The following CLUAP1 variants were observed in gnomAD, a reference collection of about 807,000 sequenced individuals.
The protein encoded by CLUAP1 is intraflagellar transport 38.
Under a neutral mutation model 55.0 loss-of-function variants are expected in CLUAP1, and 50 were observed. The observed-to-expected ratio is 0.91, with a 90% CI of 0.72 to 1.15. The LOEUF is 1.15. Ranked by LOEUF, CLUAP1 falls within the 50% of genes most tolerant of loss-of-function variation. CLUAP1 has a pLI of 0.00. For synonymous variants in CLUAP1, 195 were observed against 175.4 expected (o/e 1.11, Z -0.88); for missense variants, 530 against 507.6 (o/e 1.04, Z -0.42).
chr16:3,501,142 T>C, intron 1 of CLUAP1, 53 bp downstream of exon 1: 1 of 1,537,998 alleles, frequency 6.5e-7, no homozygotes, highest in South Asian at 1.2e-5. Context: ...GATTCAGGGC[T>C]CCCGCCCGCC....
At chr16:3,512,542 T>A in intron 5 of CLUAP1, 64 bp downstream of exon 5, 1 of 1,267,328 alleles carries the variant, frequency 7.9e-7, no homozygotes, top group Non-Finnish European at 1.1e-6. Context: ...TTTTCAATTC[T>A]GTTTCTCCCT....
rs569788890 is a variant in CLUAP1 at position 3,536,626 on chromosome 16, C to G, written c.*355C>G. ...GTTACTATACATTTTCTCTGAGACTCCAGCAGAGTTGGGGCTGGAACTTGG... is the reference window on the plus strand; with the variant it reads ...GTTACTATACATTTTCTCTGAGACTGCAGCAGAGTTGGGGCTGGAACTTGG... On this transcript the variant is annotated 3_prime_UTR_variant, in exon 12 of 12. Transcript: ENST00000576634. 1 of 179,648 alleles carries G rather than the reference C, an allele frequency of 5.6e-6. No homozygotes were observed. The highest frequency in any genetic ancestry group is 1.4e-4 in the South Asian group (1 of 7,068). The allele number at this position is 179,648 out of a possible 1,614,324, so 11.1% of individuals were successfully genotyped here.
At chr16:3,515,219 C>T (rs1385636924) in intron 5 of CLUAP1, among the ~76,000 whole-genome samples, 3 of 151,634 alleles carry the variant, frequency 2.0e-5, no homozygotes, top group Non-Finnish European at 2.9e-5. Flanking sequence ...GAAGCAGCAG[C>T]AAATTTGGGA....
Position 3,519,890 on chromosome 16 carries a change from C to G in CLUAP1, c.580-13C>G. 1.3e-6 allele frequency: 2 copies of G among 1,575,118 alleles called. No individual in the cohort carries two copies. On this transcript the variant is annotated splice_polypyrimidine_tract_variant and intron_variant, in intron 6 of 11. Transcript: ENST00000576634. ...TATTGCCACCTTGTCTCATTATTTC[C>G]CATTAAATATAGACACAGGTTCAGA... is the stretch of plus-strand genomic sequence containing the variant.
chr16:3,500,905 G>T (rs957951427), upstream of CLUAP1: 1 of 732,296 alleles, frequency 1.4e-6, no homozygotes, highest in Non-Finnish European at 2.2e-6. Flanking sequence ...CGCTCTCCCC[G>T]TGCGTATGCA....
chr16:3,536,908 T>G lies in CLUAP1; in HGVS notation c.*637T>G, dbSNP rs2038242969. 1 of 152,292 alleles carries G rather than the reference T, an allele frequency of 6.6e-6. No homozygotes were observed. Among genetic ancestry groups the G allele is most frequent in the African/African-American group, 2.4e-5 (1 of 41,462 alleles). The allele number at this position is 152,292 out of a possible 1,614,324, so 9.4% of individuals were successfully genotyped here. The stretch of plus-strand genomic sequence containing the variant: ...TCAGGCAATAGAGACAGGCTCCAGA[T>G]GAGGAATCCTCCATTTTCTGTCCGA... On this transcript the variant is annotated 3_prime_UTR_variant, in exon 12 of 12. Transcript: ENST00000576634.
chr16:3,505,455 G>C (rs1394049739), intron 2 of CLUAP1, among the ~76,000 whole-genome samples: 3 of 151,908 alleles, frequency 2.0e-5, no homozygotes, highest in Admixed American at 2.0e-4. Context: ...GAGTGAACCC[G>C]GGAGGCGGAG....
intron 3 of CLUAP1, among the ~76,000 whole-genome samples, chr16:3,507,383 T>G (rs1281016007): frequency 6.6e-6 from 1 of 151,106 alleles, no homozygotes; most frequent in Non-Finnish European, 1.5e-5. Context: ...TGAGATCCTG[T>G]CTCTACAAAA....
At position 3,530,607 on chromosome 16, in the gene CLUAP1, A is replaced by C. The variant is rs1259514395; in HGVS notation, c.968A>C (p.Glu323Ala). ...DSDIDIQEDDESDSELEERRL... is the reference protein window; with the variant it reads ...DSDIDIQEDDASDSELEERRL... ...GACATAGACATCCAGGAGGACGATG[A>C]ATCCGACAGTGAGTTGGAAGAAAGG... Residue 323 changes from glutamate to alanine, a missense_variant, in exon 10 of 12, where the codon GAA (glutamate) becomes GCA (alanine). By Grantham distance (107) the Glu-to-Ala change is moderately radical. Coordinates refer to ENST00000576634, the MANE Select transcript of CLUAP1 (RefSeq NM_015041.3). 1.9e-6 allele frequency: 3 copies of C among 1,614,026 alleles called. No homozygotes were observed. Among genetic ancestry groups the C allele is most frequent in the Non-Finnish European group, 2.5e-6 (3 of 1,179,978 alleles).
chr16:3,533,293 C>A, intron 11 of CLUAP1: 1 of 696,818 alleles, frequency 1.4e-6, no homozygotes, highest in Non-Finnish European at 2.4e-6. Context: ...GTGGTGACAG[C>A]GGGATCACTG....
At chr16:3,515,732 T>C in intron 6 of CLUAP1, 141 bp downstream of exon 6, 1 of 507,166 alleles carries the variant, frequency 2.0e-6, no homozygotes. Flanking sequence ...AAGAGGACAT[T>C]CGAGCTTACC....
At chr16:3,496,475 G>A (rs2037311647), upstream of CLUAP1, 2 of 754,130 alleles carry the variant, frequency 2.7e-6, no homozygotes, top group Non-Finnish European at 4.4e-6. Context: ...CGGATGACGC[G>A]AGGGTTCAGG....
chr16:3,506,078 G>A (rs192587252), intron 2 of CLUAP1, among the ~76,000 whole-genome samples: 1 of 152,326 alleles, frequency 6.6e-6, no homozygotes, highest in East Asian at 1.9e-4. Context: ...TCATGACATG[G>A]TGAGATCTGA....
At chr16:3,513,535 C>T (rs917128153) in intron 5 of CLUAP1, among the ~76,000 whole-genome samples, 4 of 152,072 alleles carry the variant, frequency 2.6e-5, no homozygotes, top group Non-Finnish European at 5.9e-5. Flanking sequence ...CTAAAACCTC[C>T]GCCTCCCAGG....
At chr16:3,520,289 T>C (rs549128639) in intron 7 of CLUAP1, among the ~76,000 whole-genome samples, 23 of 152,146 alleles carry the variant, frequency 1.5e-4, no homozygotes, top group African/African-American at 5.3e-4. Context: ...GGAGGATTGC[T>C]TGAGCCCAGG....
At chr16:3,523,442 A>C in intron 8 of CLUAP1, 143 bp downstream of exon 8, 1 of 998,082 alleles carries the variant, frequency 1.0e-6, no homozygotes, top group Non-Finnish European at 1.4e-6. Context: ...TTGCTCATGT[A>C]ATGTGTTTGT....
intron 7 of CLUAP1, among the ~76,000 whole-genome samples, chr16:3,520,824 A>G (rs2037818820): frequency 2.0e-5 from 3 of 152,190 alleles, no homozygotes; most frequent in Admixed American, 2.0e-4. Flanking sequence ...TCCCAGGAAT[A>G]CCGATGGAGA....
In CLUAP1 at chr16:3,530,593, C is replaced by T. The variant is rs142463656; in HGVS notation, c.954C>T (p.Ile318=). The change falls in exon 10 of 12, where the codon ATC becomes ATT. Residue 318 remains isoleucine (I), a synonymous_variant. Transcript: ENST00000576634. ...GTAACGATGACTCGGACATAGACAT[C>T]CAGGAGGACGATGAATCCGACAGTG... ...SGSNDDSDID[I]QEDDESDSEL... is the part of the protein sequence containing the mutation. 119 of 1,613,962 alleles carry T rather than the reference C, an allele frequency of 7.4e-5. No homozygotes were observed. In the African/African-American group the frequency reaches 1.3e-3, roughly 18 times the overall value.
intron 8 of CLUAP1, among the ~76,000 whole-genome samples, chr16:3,523,597 T>G (rs912315175): frequency 6.6e-6 from 1 of 152,246 alleles, no homozygotes; most frequent in Non-Finnish European, 1.5e-5. Context: ...GGGCCTGTGC[T>G]TGCTTTCAGG....
Sources: allele counts gnomAD v4.1 joint callset (sites outside exome capture counted in the v4.1 genomes callset), GRCh38; gene constraint gnomAD v4.1.1; transcripts MANE v1.5; gene names NCBI Gene and HGNC (gene_info 2026-07-23, HGNC 2026-07-21).